FHL1: variants seen among roughly 807,000 people sequenced by gnomAD.
FHL1 encodes four and a half LIM domains 1.
A neutral mutation model predicts 20.3 loss-of-function variants in FHL1; 1 was observed. That is an observed-to-expected ratio of 0.05 (90% CI 0.02 to 0.23). FHL1 has a LOEUF of 0.23. FHL1 is among the 10% of genes least tolerant of loss of function. The pLI, the probability that FHL1 is intolerant of heterozygous loss-of-function variation, is 1.00. For synonymous variants in FHL1, 82 were observed against 88.9 expected, an observed-to-expected ratio of 0.92 and a Z score of 0.44; for missense variants, 177 against 234.0, an observed-to-expected ratio of 0.76 and a Z score of 1.59.
intron 2 of FHL1, among the ~76,000 whole-genome samples, chrX:136,183,126 A>AAC (rs2073203205): frequency 9.1e-6 from 1 of 109,343 alleles, no homozygotes; most frequent in Admixed American, 9.7e-5. Context: ...CAAACAAACA[A>AAC]AAAAAAAACA....
chrX:136,146,896 C>T (rs1446318081), upstream of FHL1: 1 of 329,738 alleles, frequency 3.0e-6, no homozygotes, highest in Middle Eastern at 9.6e-4. Context: ...CGGCTTGCTA[C>T]TAAGGGGAGG....
At position 136,189,166 on chromosome X, in the gene FHL1, T is replaced by C. The variant is rs184376642; in HGVS notation, c.-26-17241T>C. ...AGGTCTAATTAGCCACTGGGCCCTTTCCTGGCAGGGAGGATGTAGGGAAGA... is the reference window on the plus strand; with the variant it reads ...AGGTCTAATTAGCCACTGGGCCCTTCCCTGGCAGGGAGGATGTAGGGAAGA... On this transcript the variant is annotated intron_variant, in intron 2 of 6. Transcript: ENST00000394153. Among the ~76,000 whole-genome samples the C allele has an allele frequency of 2.6e-3, 294 of 112,130 alleles. 1 individual carries two copies. The highest frequency in any genetic ancestry group is 9.0e-3 in the African/African-American group (277 of 30,903).
intron 2 of FHL1, among the ~76,000 whole-genome samples, chrX:136,187,607 A>T (rs2073339709): frequency 9.0e-6 from 1 of 111,636 alleles, no homozygotes; most frequent in African/African-American, 3.3e-5. Context: ...AAGTGAAAGA[A>T]ATCAGCCACA....
intron 2 of FHL1, chrX:136,182,566 A>C (rs1221326332): frequency 8.9e-6 from 1 of 112,094 alleles, no homozygotes; most frequent in African/African-American, 3.2e-5. Flanking sequence ...AATTGTGTGC[A>C]AACACACTCT....
intron 2 of FHL1, among the ~76,000 whole-genome samples, chrX:136,183,621 T>G (rs1603258651): frequency 8.9e-6 from 1 of 112,679 alleles, no homozygotes; most frequent in East Asian, 2.8e-4. Context: ...CGTGTATGAA[T>G]ACTTTATATT....
chrX:136,188,833 C>T (rs368593427), intron 2 of FHL1, among the ~76,000 whole-genome samples: 2 of 111,178 alleles, frequency 1.8e-5, no homozygotes, highest in South Asian at 3.9e-4. Context: ...TTGCTGTACT[C>T]ACCCAAGCTA....
At chrX:136,163,841 T>C (rs1569528511) in intron 1 of FHL1, among the ~76,000 whole-genome samples, 1 of 112,230 alleles carries the variant, frequency 8.9e-6, no homozygotes, top group Non-Finnish European at 1.9e-5. Flanking sequence ...AAGCTACTCA[T>C]GGTCATCATG....
At chrX:136,202,615 G>A (rs887024454) in intron 1 of FHL1, among the ~76,000 whole-genome samples, 11 of 110,752 alleles carry the variant, frequency 9.9e-5, no homozygotes, top group African/African-American at 3.6e-4. Flanking sequence ...AATTAGCTGG[G>A]TGTGGTGTCA....
At chrX:136,183,199 T>C (rs2073207254) in intron 2 of FHL1, among the ~76,000 whole-genome samples, 1 of 111,173 alleles carries the variant, frequency 9.0e-6, no homozygotes, top group Non-Finnish European at 1.9e-5. Flanking sequence ...TGATTAGATA[T>C]ATTTAAACGT....
Position 136,155,020 on chromosome X carries a change from C to G in FHL1, c.-101+7392C>G, listed in dbSNP as rs1199636984. Among the ~76,000 whole-genome samples the G allele has an allele frequency of 2.7e-5, 3 of 112,255 alleles. No individual in the cohort carries two copies. In the East Asian group the frequency reaches 8.4e-4, roughly 31 times the overall value. ...CCACGCCCGGCCTTAATCTGGCATT[C>G]TTAAAAAAATCAGTTATTTAGCTTT... On this transcript the variant is annotated intron_variant, in intron 1 of 7. Transcript: ENST00000394155.
At chrX:136,155,309 G>A (rs2072384781) in intron 1 of FHL1, among the ~76,000 whole-genome samples, 1 of 111,972 alleles carries the variant, frequency 8.9e-6, no homozygotes, top group African/African-American at 3.3e-5. Context: ...AGGCCGGGCA[G>A]GGAAGCTGAT....
At chrX:136,183,109 CAA>C (rs1289790207) in intron 2 of FHL1, among the ~76,000 whole-genome samples, 1 of 94,155 alleles carries the variant, frequency 1.1e-5, no homozygotes, top group African/African-American at 3.6e-5. Flanking sequence ...AAAAAAAAAA[CAA>C]AAAACAAACA....
chrX:136,178,335 T>C (rs1209232201), intron 2 of FHL1, among the ~76,000 whole-genome samples: 1 of 112,132 alleles, frequency 8.9e-6, no homozygotes, highest in African/African-American at 3.2e-5. Context: ...GTATTTAGAA[T>C]AGTAGCCTCA....
chrX:136,153,551 C>T (rs1010808041), intron 1 of FHL1, among the ~76,000 whole-genome samples: 1 of 111,729 alleles, frequency 9.0e-6, no homozygotes, highest in Non-Finnish European at 1.9e-5. Flanking sequence ...TGTCCCATCA[C>T]CCATTGATTC....
At chrX:136,197,965 TA>T (rs2073602758) in intron 1 of FHL1, among the ~76,000 whole-genome samples, 2 of 73,425 alleles carry the variant, frequency 2.7e-5, no homozygotes, top group African/African-American at 4.8e-5. Flanking sequence ...TGTCATTATC[TA>T]TGTTTTTTTT....
At chrX:136,148,605 C>T (rs1325916705) in intron 1 of FHL1, 1 of 111,596 alleles carries the variant, frequency 9.0e-6, no homozygotes, top group Non-Finnish European at 1.9e-5. Flanking sequence ...CGAAGTTTCT[C>T]TTCCTTTCCT....
intron 1 of FHL1, among the ~76,000 whole-genome samples, chrX:136,155,172 T>C (rs1395220534): frequency 8.9e-6 from 1 of 111,886 alleles, no homozygotes; most frequent in Non-Finnish European, 1.9e-5. Context: ...ACTTTCCTTT[T>C]TCCAGGCTCT....
chrX:136,173,356 G>A (rs1429854092), intron 2 of FHL1, among the ~76,000 whole-genome samples: 2 of 112,177 alleles, frequency 1.8e-5, no homozygotes, highest in African/African-American at 6.5e-5. Flanking sequence ...TTGAAATACA[G>A]TAGTCAAAGT....
chrX:136,185,001 G>A (rs2073252145), intron 2 of FHL1, among the ~76,000 whole-genome samples: 1 of 111,905 alleles, frequency 8.9e-6, no homozygotes, highest in African/African-American at 3.2e-5. Flanking sequence ...TCTAAGTCTA[G>A]TGTGCTTTCC....
Sources: gnomAD v4.1 joint callset for allele counts (sites outside exome capture counted in the v4.1 genomes callset) on GRCh38, gnomAD v4.1.1 for gene constraint, MANE v1.5 for transcripts, NCBI Gene and HGNC (gene_info 2026-07-23, HGNC 2026-07-21) for gene names.